Variants in DCC observed in about 807,000 individuals in gnomAD.
DCC encodes the protein netrin receptor DCC.
DCC carries 58 observed loss-of-function variants against 172.5 expected under a neutral mutation model. That is an observed-to-expected ratio of 0.34 (90% confidence interval 0.27 to 0.42). The LOEUF is 0.42. Among genes scored for constraint, DCC ranks in the 10% least tolerant of loss-of-function variants. The pLI, the probability that DCC is intolerant of heterozygous loss-of-function variation, is 1.00. For missense variants in DCC, 1,740 were observed against 1,791.0 expected (o/e 0.97, Z 0.51); for synonymous variants, 709 against 644.5 (o/e 1.10, Z -1.52).
intron 1 of DCC, among the ~76,000 whole-genome samples, chr18:52,581,803 C>T (rs1324239792): frequency 6.6e-6 from 1 of 152,146 alleles, no homozygotes; most frequent in Non-Finnish European, 1.5e-5. Context: ...ACAATATGCT[C>T]AAACTGTCTT....
intron 2 of DCC, among the ~76,000 whole-genome samples, chr18:52,864,156 A>T (rs1212473564): frequency 6.6e-6 from 1 of 152,204 alleles, no homozygotes; most frequent in Non-Finnish European, 1.5e-5. Flanking sequence ...TTAAAAGGGC[A>T]GTTGGATTAA....
chr18:52,815,411 TACACACACACACAC>T (rs34924244), intron 2 of DCC, among the ~76,000 whole-genome samples: 7 of 150,010 alleles, frequency 4.7e-5, no homozygotes, highest in East Asian at 2.0e-4. Flanking sequence ...TTCTCACACG[TACACACACACACAC>T]ACACACACAC....
At chr18:52,938,920 C>G (rs1487292068) in intron 5 of DCC, among the ~76,000 whole-genome samples, 2 of 152,090 alleles carry the variant, frequency 1.3e-5, no homozygotes, top group East Asian at 1.9e-4. Flanking sequence ...CTAAAACCTC[C>G]TAACTTGTCT....
intron 12 of DCC, among the ~76,000 whole-genome samples, chr18:53,216,225 C>T (rs2055846461): frequency 6.6e-6 from 1 of 152,126 alleles, no homozygotes; most frequent in East Asian, 1.9e-4. Context: ...GTCATTATTT[C>T]AAGTGACTCA....
At chr18:53,058,427 A>T (rs2042445153) in intron 5 of DCC, among the ~76,000 whole-genome samples, 1 of 152,218 alleles carries the variant, frequency 6.6e-6, no homozygotes, top group South Asian at 2.1e-4. Context: ...TTTTCTCATA[A>T]TTTTTTAAAA....
At chr18:52,739,985 T>C (rs191644073) in intron 1 of DCC, among the ~76,000 whole-genome samples, 2 of 152,270 alleles carry the variant, frequency 1.3e-5, no homozygotes, top group Admixed American at 6.5e-5. Context: ...AGAATATTTT[T>C]AGAATTTGGA....
At chr18:52,724,131 G>A (rs1451572681) in intron 1 of DCC, among the ~76,000 whole-genome samples, 7 of 152,024 alleles carry the variant, frequency 4.6e-5, no homozygotes, top group African/African-American at 1.2e-4. Context: ...CTGTTCTCTT[G>A]TTTTCATAGA....
At chr18:52,439,230 A>G (rs1987898720) in intron 1 of DCC, among the ~76,000 whole-genome samples, 3 of 144,070 alleles carry the variant, frequency 2.1e-5, no homozygotes, top group Admixed American at 7.1e-5. Context: ...TTCCCTAATC[A>G]CAGAAAAAAA....
At chr18:52,662,538 GAGAAAGGAAGGAA>G in intron 1 of DCC, among the ~76,000 whole-genome samples, 2 of 96,936 alleles carry the variant, frequency 2.1e-5, no homozygotes, top group African/African-American at 8.2e-5. Context: ...GGGAGGAAGG[GAGAAAGGAAGGAA>G]AGGGAGGGAG....
intron 2 of DCC, among the ~76,000 whole-genome samples, chr18:52,805,804 C>A (rs908742419): frequency 2.0e-5 from 3 of 152,146 alleles, no homozygotes; most frequent in Non-Finnish European, 4.4e-5. Context: ...GAAATCTGGG[C>A]AACTTGAGGA....
At chr18:52,809,202 T>C (rs539292058) in intron 2 of DCC, 3 of 152,362 alleles carry the variant, frequency 2.0e-5, no homozygotes, top group East Asian at 1.9e-4. Flanking sequence ...AGTACAAATA[T>C]TGTTATTGTT....
chr18:52,613,141 T>C (rs921604790), intron 1 of DCC, among the ~76,000 whole-genome samples: 5 of 152,244 alleles, frequency 3.3e-5, no homozygotes, highest in Admixed American at 1.3e-4. Flanking sequence ...TTGCATGATT[T>C]TTATTATTTT....
intron 5 of DCC, among the ~76,000 whole-genome samples, chr18:52,935,775 G>C (rs1195187941): frequency 6.6e-6 from 1 of 151,996 alleles, no homozygotes; most frequent in African/African-American, 2.4e-5. Context: ...CCATAAATGG[G>C]AAGTAGTTAT....
chr18:52,685,462 A>G (rs1182703883), intron 1 of DCC, among the ~76,000 whole-genome samples: 1 of 152,104 alleles, frequency 6.6e-6, no homozygotes, highest in Non-Finnish European at 1.5e-5. Flanking sequence ...TTTGATTCCC[A>G]GTTATGACAA....
At chr18:53,263,237 C>T (rs936227391) in intron 12 of DCC, among the ~76,000 whole-genome samples, 7 of 152,102 alleles carry the variant, frequency 4.6e-5, no homozygotes, top group Admixed American at 2.6e-4. Context: ...CTGCAGCCTC[C>T]GCCTCTGGGG....
At chr18:52,819,804 C>T (rs182281245) in intron 2 of DCC, among the ~76,000 whole-genome samples, 6 of 152,050 alleles carry the variant, frequency 3.9e-5, no homozygotes, top group East Asian at 3.9e-4. Flanking sequence ...CTGCAAGCTC[C>T]GCCTCCTGGG....
intron 1 of DCC, among the ~76,000 whole-genome samples, chr18:52,746,040 A>C (rs923703346): frequency 6.6e-6 from 1 of 152,112 alleles, no homozygotes; most frequent in African/African-American, 2.4e-5. Flanking sequence ...AAGTATTATA[A>C]TTTTTTTCCA....
At chr18:52,969,062 T>C (rs1245171136) in intron 5 of DCC, among the ~76,000 whole-genome samples, 1 of 152,166 alleles carries the variant, frequency 6.6e-6, no homozygotes, top group Non-Finnish European at 1.5e-5. Flanking sequence ...CTTCCTCTAG[T>C]AGCCCATCTC....
At chr18:53,127,552 C>T (rs2043582601) in intron 7 of DCC, among the ~76,000 whole-genome samples, 1 of 151,924 alleles carries the variant, frequency 6.6e-6, no homozygotes, top group African/African-American at 2.4e-5. Flanking sequence ...ATCACCAGTC[C>T]CATTTAAGGA....
Sources: gnomAD v4.1 joint callset for allele counts (sites outside exome capture counted in the v4.1 genomes callset) on GRCh38, gnomAD v4.1.1 for gene constraint, MANE v1.5 for transcripts, NCBI Gene and HGNC (gene_info 2026-07-23, HGNC 2026-07-21) for gene names.